CASK: variants seen among roughly 807,000 people sequenced by gnomAD.
The protein encoded by CASK is peripheral plasma membrane protein CASK.
A neutral mutation model predicts 82.9 loss-of-function variants in CASK; 4 were observed. That is an observed-to-expected ratio of 0.05 (90% CI 0.02 to 0.11). The LOEUF (loss-of-function observed/expected upper bound fraction) is 0.11, where lower values mean the gene tolerates loss of function less well. Ranked by LOEUF, CASK falls within the 10% of genes least tolerant of loss-of-function variation. The pLI, the probability that CASK is intolerant of heterozygous loss-of-function variation, is 1.00. For synonymous variants in CASK, 259 were observed against 253.5 expected, an observed-to-expected ratio of 1.02 and a Z score of -0.20; for missense variants, 358 against 720.9, an observed-to-expected ratio of 0.50 and a Z score of 5.76.
chrX:41,682,152 C>T (rs768678920), intron 5 of CASK, among the ~76,000 whole-genome samples: 1 of 108,859 alleles, frequency 9.2e-6, no homozygotes, highest in South Asian at 4.1e-4. Flanking sequence ...TGTGAAATAC[C>T]TTTTTAAGTA....
At chrX:41,736,896 T>A (rs952626697) in intron 5 of CASK, among the ~76,000 whole-genome samples, 5 of 112,005 alleles carry the variant, frequency 4.5e-5, no homozygotes, top group African/African-American at 1.6e-4. Flanking sequence ...ATGATACTTA[T>A]CACCTTCTAC....
At chrX:41,590,510 C>CAAA (rs763695085) in intron 12 of CASK, among the ~76,000 whole-genome samples, 92 of 31,227 alleles carry the variant, frequency 2.9e-3, no homozygotes, top group Non-Finnish European at 2.9e-3. Context: ...ATTCCGTCTC[C>CAAA]AAAAAAAAAA....
intron 2 of CASK, among the ~76,000 whole-genome samples, chrX:41,832,125 G>A (rs1447854950): frequency 1.8e-5 from 2 of 110,755 alleles, no homozygotes; most frequent in African/African-American, 3.3e-5. Flanking sequence ...CCCATAAAGC[G>A]GCCATCTAGG....
At chrX:41,788,408 C>T (rs746514427) in intron 2 of CASK, among the ~76,000 whole-genome samples, 1 of 111,363 alleles carries the variant, frequency 9.0e-6, no homozygotes, top group Non-Finnish European at 1.9e-5. Context: ...TGGGGCTTTA[C>T]CCGTTTGCTG....
chrX:41,824,745 T>C (rs1358177427), intron 2 of CASK, among the ~76,000 whole-genome samples: 1 of 111,567 alleles, frequency 9.0e-6, no homozygotes, highest in African/African-American at 3.3e-5. Flanking sequence ...TAGCATGGTG[T>C]CTCAGTGAAC....
At chrX:41,700,481 G>T (rs1222752374) in intron 5 of CASK, among the ~76,000 whole-genome samples, 1 of 110,021 alleles carries the variant, frequency 9.1e-6, no homozygotes, top group East Asian at 2.9e-4. Flanking sequence ...GATAACACTG[G>T]GGAGCAGACA....
intron 22 of CASK, among the ~76,000 whole-genome samples, chrX:41,539,293 C>G (rs2064916897): frequency 8.9e-6 from 1 of 112,013 alleles, no homozygotes; most frequent in Non-Finnish European, 1.9e-5. Context: ...CCCACCAGTT[C>G]TAGATAATGA....
At chrX:41,885,211 A>G (rs752598671) in intron 1 of CASK, among the ~76,000 whole-genome samples, 13 of 112,140 alleles carry the variant, frequency 1.2e-4, no homozygotes, top group Non-Finnish European at 2.4e-4. Context: ...AAATAAGTCA[A>G]TAAAAATGTC....
chrX:41,592,698 C>T (rs2065764245), intron 12 of CASK, among the ~76,000 whole-genome samples: 2 of 111,474 alleles, frequency 1.8e-5, no homozygotes, highest in Admixed American at 9.6e-5. Context: ...CCAGTGCTAA[C>T]TTTTGAGAGT....
At chrX:41,888,307 TTGGTTGG>T (rs1569477416) in intron 1 of CASK, among the ~76,000 whole-genome samples, 1 of 111,309 alleles carries the variant, frequency 9.0e-6, no homozygotes, top group African/African-American at 3.3e-5. Context: ...CCCATATTGG[TTGGTTGG>T]TGGTTGGTGA....
chrX:41,652,372 C>T (rs111930000), intron 8 of CASK, among the ~76,000 whole-genome samples: 2,848 of 111,780 alleles, frequency 0.025, 92 homozygotes, highest in African/African-American at 0.088. Context: ...CTCCAAGGGC[C>T]GGAGTGTAGA....
At chrX:41,633,086 G>T (rs1404264328) in intron 9 of CASK, among the ~76,000 whole-genome samples, 1 of 106,554 alleles carries the variant, frequency 9.4e-6, no homozygotes, top group East Asian at 2.9e-4. Flanking sequence ...AAAAACTGTA[G>T]AAAGTTATTA....
chrX:41,704,622 T>A (rs185573190), intron 5 of CASK, among the ~76,000 whole-genome samples: 3 of 112,022 alleles, frequency 2.7e-5, no homozygotes, highest in Admixed American at 1.9e-4. Flanking sequence ...GTCCAGGGGA[T>A]TGATCTTGGC....
intron 8 of CASK, among the ~76,000 whole-genome samples, chrX:41,657,121 G>A (rs1170185523): frequency 8.9e-6 from 1 of 112,006 alleles, no homozygotes; most frequent in Non-Finnish European, 1.9e-5. Context: ...TAATATTGCT[G>A]TCTGCCATCT....
At chrX:41,556,550 C>T (rs901014725) in intron 19 of CASK, among the ~76,000 whole-genome samples, 1 of 111,718 alleles carries the variant, frequency 9.0e-6, no homozygotes, top group Admixed American at 9.6e-5. Flanking sequence ...TGTGCACGTA[C>T]CACAATAACA....
intron 11 of CASK, among the ~76,000 whole-genome samples, chrX:41,612,706 G>T (rs767757411): frequency 1.1e-5 from 1 of 94,812 alleles, no homozygotes; most frequent in Admixed American, 1.1e-4. Flanking sequence ...GGGAGGTGGG[G>T]GGGTCAGCTC....
chrX:41,696,120 C>T (rs1228637450), intron 5 of CASK: 9 of 1,203,618 alleles, frequency 7.5e-6, no homozygotes, highest in East Asian at 5.9e-5. Context: ...TATACAGCAA[C>T]GGAAGGCAAT....
Position 41,520,179 on chromosome X carries a change from T to G in CASK, c.*241A>C. ...TCCAAAGGATTGAATAATACATACA[T>G]TTAAAGATACATTTTATTAAAGTTT... On this transcript the variant is annotated 3_prime_UTR_variant, in exon 27 of 27. Coordinates refer to ENST00000378163, the MANE Select transcript of CASK (RefSeq NM_001367721.1). 8 of 335,192 alleles carry G rather than the reference T, an allele frequency of 2.4e-5. No homozygotes were observed. Among genetic ancestry groups the G allele is most frequent in the Non-Finnish European group, 2.6e-5 (5 of 191,552 alleles). 27.6% of individuals were successfully genotyped at this position (335,192 alleles called of 1,213,427 possible).
At chrX:41,688,056 T>C (rs1304843172) in intron 5 of CASK, among the ~76,000 whole-genome samples, 2 of 109,551 alleles carry the variant, frequency 1.8e-5, no homozygotes, top group South Asian at 7.8e-4. Flanking sequence ...TACAACAATA[T>C]TGCAGGACTA....
Sources: gnomAD v4.1 joint callset for allele counts (sites outside exome capture counted in the v4.1 genomes callset) on GRCh38, gnomAD v4.1.1 for gene constraint, MANE v1.5 for transcripts, NCBI Gene and HGNC (gene_info 2026-07-23, HGNC 2026-07-21) for gene names.